ANXA4: variants seen among roughly 807,000 people sequenced by gnomAD.
ANXA4 encodes 35-beta calcimedin.
In ANXA4, 39 loss-of-function variants were observed where a neutral mutation model predicts 49.8. That is an observed-to-expected ratio of 0.78 (90% CI 0.61 to 1.02). The LOEUF is 1.02. Ranked by LOEUF, ANXA4 falls within the 50% of genes least tolerant of loss-of-function variation. The pLI, the probability that ANXA4 is intolerant of heterozygous loss-of-function variation, is 0.00. For missense variants in ANXA4, 360 were observed against 410.1 expected, an observed-to-expected ratio of 0.88 and a Z score of 1.05; for synonymous variants, 134 against 152.5, an observed-to-expected ratio of 0.88 and a Z score of 0.89.
At chr2:69,765,752 T>C (rs1671469714) in intron 1 of ANXA4, among the ~76,000 whole-genome samples, 1 of 152,170 alleles carries the variant, frequency 6.6e-6, no homozygotes, top group African/African-American at 2.4e-5. Flanking sequence ...AACCGCAGTG[T>C]GACTGGAGTT....
intron 2 of ANXA4, among the ~76,000 whole-genome samples, chr2:69,654,139 C>T (rs1676351855): frequency 6.6e-6 from 1 of 152,118 alleles, no homozygotes; most frequent in Admixed American, 6.5e-5. Context: ...GATTTTGTAT[C>T]CTGAGACTTT....
chr2:69,726,132 A>T (rs1669957589), intron 3 of ANXA4, among the ~76,000 whole-genome samples: 1 of 152,146 alleles, frequency 6.6e-6, no homozygotes, highest in African/African-American at 2.4e-5. Flanking sequence ...ACCTCGAGGT[A>T]ATTGGATTAT....
At chr2:69,722,435 A>G (rs1313619521) in intron 3 of ANXA4, among the ~76,000 whole-genome samples, 1 of 152,278 alleles carries the variant, frequency 6.6e-6, no homozygotes, top group Non-Finnish European at 1.5e-5. Context: ...TTATTCAGCC[A>G]TATAAAGCAG....
At chr2:69,670,369 G>A (rs1160716779) in intron 2 of ANXA4, among the ~76,000 whole-genome samples, 1 of 151,288 alleles carries the variant, frequency 6.6e-6, no homozygotes, top group Non-Finnish European at 1.5e-5. Context: ...GAACCTGGGA[G>A]GTGGAGGTTG....
At chr2:69,749,957 A>G (rs1670772313) in intron 1 of ANXA4, among the ~76,000 whole-genome samples, 1 of 151,890 alleles carries the variant, frequency 6.6e-6, no homozygotes, top group African/African-American at 2.4e-5. Flanking sequence ...GGCTGTCTAT[A>G]TTCTCATATG....
chr2:69,696,431 A>T (rs974693237), intron 2 of ANXA4, among the ~76,000 whole-genome samples: 30 of 152,310 alleles, frequency 2.0e-4, no homozygotes, highest in Admixed American at 1.3e-4. Flanking sequence ...ATCTGCAGTG[A>T]CTTGCTCCAT....
At position 69,673,687 on chromosome 2, in the gene ANXA4, G is replaced by GACACAC. The variant is rs72114703; in HGVS notation, n.766+20441_766+20446dup. On this transcript the variant is annotated intron_variant and non_coding_transcript_variant, in intron 2 of 3. Coordinates refer to the ANXA4 transcript ENST00000418066. Reference sequence around the variant, plus strand: ...AAAGAAAAGAAACATTTTTTTCAAAGACACACACACACACACACACACACA... The same window carrying GACACAC: ...AAAGAAAAGAAACATTTTTTTCAAAGACACACACACACACACACACACACACACACA... Among the ~76,000 whole-genome samples, 981 of 139,210 alleles carry GACACAC rather than the reference G, an allele frequency of 7.0e-3. 3 individuals carry two copies. Among genetic ancestry groups the GACACAC allele is most frequent in the African/African-American group, 0.011 (405 of 37,382 alleles). 91.3% of individuals were successfully genotyped at this position (139,210 alleles called of 152,430 possible).
chr2:69,760,015 G>A (rs1191026024), intron 1 of ANXA4, among the ~76,000 whole-genome samples: 1 of 151,962 alleles, frequency 6.6e-6, no homozygotes, highest in East Asian at 1.9e-4. Flanking sequence ...CGTATTGTTA[G>A]TAGAGACGGG....
intron 1 of ANXA4, among the ~76,000 whole-genome samples, chr2:69,780,130 G>A (rs960496457): frequency 1.5e-5 from 2 of 136,726 alleles, no homozygotes; most frequent in Non-Finnish European, 2.9e-5. Context: ...CAAATGTTTG[G>A]GGAATCTTGT....
chr2:69,777,397 A>G (rs931442332), intron 1 of ANXA4, among the ~76,000 whole-genome samples: 3 of 152,140 alleles, frequency 2.0e-5, no homozygotes, highest in Non-Finnish European at 2.9e-5. Context: ...CCCCCATCCT[A>G]TAGTTATCTG....
chr2:69,745,836 A>T (rs1051423243), intron 1 of ANXA4, among the ~76,000 whole-genome samples: 1 of 151,792 alleles, frequency 6.6e-6, no homozygotes, highest in African/African-American at 2.4e-5. Flanking sequence ...CGGCTGAGAA[A>T]CTATGCTTTA....
At chr2:69,657,988 T>C (rs1173351046) in intron 2 of ANXA4, among the ~76,000 whole-genome samples, 1 of 152,190 alleles carries the variant, frequency 6.6e-6, no homozygotes, top group East Asian at 1.9e-4. Flanking sequence ...ACTATTACTT[T>C]TTTCTTTGCA....
At chr2:69,718,468 T>A (rs1275880933) in intron 2 of ANXA4, among the ~76,000 whole-genome samples, 1 of 152,204 alleles carries the variant, frequency 6.6e-6, no homozygotes, top group African/African-American at 2.4e-5. Context: ...TTCAGCTACG[T>A]TTGGGAAATG....
intron 2 of ANXA4, among the ~76,000 whole-genome samples, chr2:69,665,244 G>T (rs1676891758): frequency 6.6e-6 from 1 of 152,204 alleles, no homozygotes; most frequent in African/African-American, 2.4e-5. Context: ...GTGCGGCAGA[G>T]ATCACGTGAA....
At chr2:69,693,092 T>C (rs1396298523) in intron 2 of ANXA4, among the ~76,000 whole-genome samples, 1 of 152,194 alleles carries the variant, frequency 6.6e-6, no homozygotes, top group Non-Finnish European at 1.5e-5. Context: ...TCAACATGCT[T>C]GATAGTGACT....
chr2:69,700,796 C>T (rs1003958960), intron 2 of ANXA4, among the ~76,000 whole-genome samples: 1 of 152,132 alleles, frequency 6.6e-6, no homozygotes, highest in African/African-American at 2.4e-5. Flanking sequence ...ACATACTTGG[C>T]ATATTTTTTT....
chr2:69,726,914 G>A (rs1290303147), intron 3 of ANXA4, among the ~76,000 whole-genome samples: 1 of 152,064 alleles, frequency 6.6e-6, no homozygotes, highest in African/African-American at 2.4e-5. Context: ...ACAGGGTCTT[G>A]TTCTGTCGCC....
intron 2 of ANXA4, among the ~76,000 whole-genome samples, chr2:69,667,677 A>G (rs370862233): frequency 1.3e-4 from 20 of 151,952 alleles, no homozygotes; most frequent in African/African-American, 4.8e-4. Flanking sequence ...ATAGCATGTG[A>G]TCTATTCTTT....
intron 2 of ANXA4, among the ~76,000 whole-genome samples, chr2:69,704,366 T>A (rs139777290): frequency 0.016 from 2,435 of 152,294 alleles, 58 homozygotes; most frequent in African/African-American, 0.054. Flanking sequence ...TCTGTTAGCT[T>A]TTCTGGCAAA....
Sources: gnomAD v4.1 joint callset for allele counts (sites outside exome capture counted in the v4.1 genomes callset) on GRCh38, gnomAD v4.1.1 for gene constraint, MANE v1.5 for transcripts, NCBI Gene and HGNC (gene_info 2026-07-23, HGNC 2026-07-21) for gene names.